Variants in COL4A1 observed in about 807,000 individuals in gnomAD.
COL4A1 encodes collagen alpha-1(IV) chain.
Under a neutral mutation model 216.6 loss-of-function variants are expected in COL4A1, and 40 were observed. The ratio of observed to expected loss-of-function variants is 0.18; its 90% CI spans 0.14 to 0.24. COL4A1 has a LOEUF of 0.24. COL4A1 is among the 10% of genes least tolerant of loss of function. The pLI is 1.00. For synonymous variants in COL4A1, 839 were observed against 810.7 expected (o/e 1.03, Z -0.59); for missense variants, 1,628 against 2,196.8 (o/e 0.74, Z 5.18).
chr13:110,232,654 G>A (rs575745827), intron 2 of COL4A1, among the ~76,000 whole-genome samples: 10 of 152,104 alleles, frequency 6.6e-5, no homozygotes, highest in Non-Finnish European at 1.3e-4. Flanking sequence ...ATAAATAGTC[G>A]GGACAGAGGC....
intron 2 of COL4A1, among the ~76,000 whole-genome samples, chr13:110,235,528 G>A (rs1342926816): frequency 2.0e-5 from 3 of 152,064 alleles, no homozygotes; most frequent in Admixed American, 6.5e-5. Flanking sequence ...GCGGGTGCCT[G>A]TAGTCCCAGC....
At chr13:110,293,251 C>G (rs10162206) in intron 1 of COL4A1, among the ~76,000 whole-genome samples, 184 of 152,284 alleles carry the variant, frequency 1.2e-3, no homozygotes, top group African/African-American at 4.2e-3. Context: ...AGAAGTGTTT[C>G]TGGACGTCTG....
chr13:110,174,090 G>A, intron 39 of COL4A1, 92 bp from the exon 40 acceptor site: 1 of 1,386,544 alleles, frequency 7.2e-7, no homozygotes, highest in South Asian at 1.2e-5. Context: ...ATCCTTTAAG[G>A]GAGCTGTTCC....
chr13:110,156,794 G>A (rs1287114274), intron 49 of COL4A1, among the ~76,000 whole-genome samples: 2 of 152,156 alleles, frequency 1.3e-5, no homozygotes, highest in Non-Finnish European at 2.9e-5. Flanking sequence ...AGTTATACTG[G>A]GACATTTGCA....
Position 110,177,796 on chromosome 13 carries a change from G to A in COL4A1, c.2716+46C>T, listed in dbSNP as rs370771354. ...ACTTGAGAATTTCCCAAGTGGCATC[G>A]AGAAATAGACACAAAATGAGCTTCT... On this transcript the variant is annotated intron_variant, in intron 33 of 51. Transcript: ENST00000375820. 5.4e-4 allele frequency: 853 copies of A among 1,593,948 alleles called. 3 individuals are homozygous for A. The highest frequency in any genetic ancestry group is 2.4e-3 in the South Asian group (214 of 90,640).
chr13:110,149,176 T>A lies in COL4A1; in HGVS notation c.*1187A>T, dbSNP rs546124548. The A allele has an allele frequency of 6.5e-6, 1 of 154,954 alleles. No homozygotes were observed. Among genetic ancestry groups the A allele is most frequent in the African/African-American group, 2.4e-5 (1 of 41,660 alleles). The allele number at this position is 154,954 out of a possible 1,614,324, so 9.6% of individuals were successfully genotyped here. A position where few individuals can be genotyped will look rare whatever the true frequency, so the allele number is the denominator to read the frequency against. ...TGTTTTGGAGACTTTTAGTGAAATG[T>A]CATTTCAGGCCTAGTGGTCCGAATC... On this transcript the variant is annotated 3_prime_UTR_variant, in exon 52 of 52. Coordinates refer to ENST00000375820, the MANE Select transcript of COL4A1 (RefSeq NM_001845.6).
In COL4A1 at chr13:110,179,031, G is replaced by C; in HGVS notation, c.2350C>G (p.Pro784Ala). The C allele has an allele frequency of 6.2e-7, 1 of 1,609,488 alleles. No homozygotes were observed. The highest frequency in any genetic ancestry group is 1.1e-5 in the South Asian group (1 of 90,090). ...GAGCCTGGCAATCCAGGAGGTCCCGGTTCACCTGGAGAAGAAAAATTGAGA... is the reference window on the plus strand; with the variant it reads ...GAGCCTGGCAATCCAGGAGGTCCCGCTTCACCTGGAGAAGAAAAATTGAGA... Reference protein sequence around the residue: ...PPGLQGIRGEPGPPGLPGSVG... With the variant: ...PPGLQGIRGEAGPPGLPGSVG... Residue 784 changes from proline (P) to alanine (A), a missense_variant, in exon 31 of 52, where the codon CCG (proline) becomes GCG (alanine). Transcript: ENST00000375820.
intron 26 of COL4A1, among the ~76,000 whole-genome samples, chr13:110,183,486 T>C (rs1192613132): frequency 1.3e-5 from 2 of 152,208 alleles, no homozygotes; most frequent in Non-Finnish European, 2.9e-5. Flanking sequence ...TGCGTTTGCA[T>C]GTCCAAAATG....
intron 20 of COL4A1, among the ~76,000 whole-genome samples, chr13:110,199,952 C>T (rs1310914133): frequency 6.6e-6 from 1 of 152,070 alleles, no homozygotes; most frequent in African/African-American, 2.4e-5. Context: ...GGACGAAGGC[C>T]CTGCCCTGAG....
chr13:110,238,454 T>C (rs1881420691), intron 2 of COL4A1, among the ~76,000 whole-genome samples: 1 of 152,192 alleles, frequency 6.6e-6, no homozygotes, highest in East Asian at 1.9e-4. Context: ...CAGAAGAACC[T>C]AGTCTATATC....
At chr13:110,165,365 A>AT (rs1262904060) in intron 45 of COL4A1, among the ~76,000 whole-genome samples, 1 of 151,908 alleles carries the variant, frequency 6.6e-6, no homozygotes, top group East Asian at 1.9e-4. Flanking sequence ...CGATTAGGAC[A>AT]TTTTTCCCAC....
chr13:110,169,509 C>CACAA, intron 43 of COL4A1, 120 bp downstream of exon 43: 2 of 1,512,866 alleles, frequency 1.3e-6, no homozygotes, highest in Non-Finnish European at 1.8e-6. Flanking sequence ...CACACACACA[C>CACAA]ACACACACAC....
At chr13:110,189,341 G>A (rs1309271094) in intron 24 of COL4A1, among the ~76,000 whole-genome samples, 1 of 152,228 alleles carries the variant, frequency 6.6e-6, no homozygotes, top group African/African-American at 2.4e-5. Context: ...GGGATTTCAG[G>A]CGTGAGCCAC....
chr13:110,280,197 T>C (rs1883577589), intron 1 of COL4A1, among the ~76,000 whole-genome samples: 1 of 152,250 alleles, frequency 6.6e-6, no homozygotes, highest in South Asian at 2.1e-4. Flanking sequence ...GCAGTGGTGT[T>C]AACTTGTTCA....
intron 24 of COL4A1, among the ~76,000 whole-genome samples, chr13:110,190,112 T>A (rs1878565588): frequency 6.6e-6 from 1 of 152,158 alleles, no homozygotes; most frequent in Admixed American, 6.6e-5. Flanking sequence ...TAATTTTTTA[T>A]TTTAACAATG....
At chr13:110,218,601 C>G (rs1880210717) in intron 2 of COL4A1, among the ~76,000 whole-genome samples, 1 of 152,142 alleles carries the variant, frequency 6.6e-6, no homozygotes, top group East Asian at 1.9e-4. Context: ...TAACATGACG[C>G]TCAGCATGAG....
At chr13:110,274,018 T>TA (rs1442108644) in intron 1 of COL4A1, among the ~76,000 whole-genome samples, 3 of 152,206 alleles carry the variant, frequency 2.0e-5, no homozygotes, top group African/African-American at 7.2e-5. Flanking sequence ...AATTTTTATT[T>TA]AAAAATACAG....
rs148750080 is a variant in COL4A1, at chr13:110,152,387, G to A, written c.4875C>T (p.Tyr1625=). 3.3e-5 allele frequency: 54 copies of A among 1,614,060 alleles called. 1 individual carries two copies. The highest frequency in any genetic ancestry group is 1.6e-4 in the Middle Eastern group (1 of 6,082). The change falls in exon 51 of 52, where the codon TAC becomes TAT. Residue 1625 remains tyrosine (Y), a synonymous_variant. Transcript: ENST00000375820. The part of the protein sequence containing the change: ...ECHGRGTCNY[Y]ANAYSFWLAT... The stretch of plus-strand genomic sequence containing the variant: ...CGAGCCAAAAGCTGTAAGCGTTTGC[G>A]TAGTAATTGCAGGTCCCACGGCCGT...
chr13:110,297,671 A>G (rs1373602917), intron 1 of COL4A1, among the ~76,000 whole-genome samples: 1 of 152,200 alleles, frequency 6.6e-6, no homozygotes. Context: ...GAACAGTGCA[A>G]GTGCTAAATT....
Sources: allele counts gnomAD v4.1 joint callset (sites outside exome capture counted in the v4.1 genomes callset), GRCh38; gene constraint gnomAD v4.1.1; transcripts MANE v1.5; gene names NCBI Gene and HGNC (gene_info 2026-07-23, HGNC 2026-07-21).